The following CAMK2B variants were observed in gnomAD, a reference collection of about 807,000 sequenced individuals.
CAMK2B encodes calcium/calmodulin dependent protein kinase II beta.
Under a neutral mutation model 93.7 loss-of-function variants are expected in CAMK2B, and 27 were observed. The observed-to-expected ratio is 0.29, with a 90% CI of 0.21 to 0.40. The LOEUF (loss-of-function observed/expected upper bound fraction) is 0.40, where lower values mean the gene tolerates loss of function less well. Ranked by LOEUF, CAMK2B falls within the 10% of genes least tolerant of loss-of-function variation. The probability of loss-of-function intolerance (pLI) is 1.00; values close to 1 mark genes in which losing one functional copy is unlikely to be tolerated. For missense variants in CAMK2B, 568 were observed against 895.8 expected (o/e 0.63, Z 4.67); for synonymous variants, 374 against 358.8 (o/e 1.04, Z -0.48).
intron 1 of CAMK2B, among the ~76,000 whole-genome samples, chr7:44,310,389 C>T (rs934719793): frequency 2.0e-5 from 3 of 152,176 alleles, no homozygotes; most frequent in Admixed American, 2.0e-4. Flanking sequence ...TTGACCCAAC[C>T]CTCCTGGTTC....
At chr7:44,269,804 C>T (rs2096956358) in intron 2 of CAMK2B, among the ~76,000 whole-genome samples, 2 of 152,102 alleles carry the variant, frequency 1.3e-5, no homozygotes, top group South Asian at 4.1e-4. Context: ...GAGAGGAGGC[C>T]CAACGGGTAA....
chr7:44,260,517 G>C (rs777133844), intron 3 of CAMK2B, among the ~76,000 whole-genome samples: 3 of 152,202 alleles, frequency 2.0e-5, no homozygotes, highest in Admixed American at 6.5e-5. Context: ...CTGGCTGTGT[G>C]ACCTGGGGCA....
intron 2 of CAMK2B, among the ~76,000 whole-genome samples, chr7:44,267,726 G>A (rs2096932591): frequency 6.6e-6 from 1 of 152,100 alleles, no homozygotes; most frequent in African/African-American, 2.4e-5. Flanking sequence ...ATCAAATACA[G>A]CATTCATTTA....
chr7:44,311,984 T>G lies in CAMK2B; in HGVS notation c.65+13373A>C, dbSNP rs985113501. On this transcript the variant is annotated intron_variant, in intron 1 of 23. Coordinates refer to ENST00000395749, the MANE Select transcript of CAMK2B (RefSeq NM_001220.5). The surrounding 1 kb of genome is among the most constrained non-coding windows in gnomAD (Gnocchi z 4.2). Reference sequence around the variant, plus strand: ...ATCCTCACCACGGAGTCACGCCTGCTGGAGACTTTCCTCGCCACATCTCTG... The same window carrying G: ...ATCCTCACCACGGAGTCACGCCTGCGGGAGACTTTCCTCGCCACATCTCTG... Among the ~76,000 whole-genome samples the G allele has an allele frequency of 4.6e-5, 7 of 152,188 alleles. No homozygotes were observed. The highest frequency in any genetic ancestry group is 1.7e-4 in the African/African-American group (7 of 41,448).
chr7:44,324,533 GA>G (rs1172846972), intron 1 of CAMK2B, among the ~76,000 whole-genome samples: 1 of 152,148 alleles, frequency 6.6e-6, no homozygotes, highest in East Asian at 1.9e-4. Context: ...TACTGCCAAG[GA>G]GAGAACGGGA....
At chr7:44,309,888 C>G (rs922000335) in intron 1 of CAMK2B, among the ~76,000 whole-genome samples, 2 of 152,254 alleles carry the variant, frequency 1.3e-5, no homozygotes, top group Non-Finnish European at 1.5e-5. Flanking sequence ...GAGCCGGTCA[C>G]GCCCCTCCTG....
chr7:44,287,705 G>C lies in CAMK2B; in HGVS notation c.66-3480C>G, dbSNP rs573069802. Among the ~76,000 whole-genome samples the C allele has an allele frequency of 1.2e-4, 19 of 152,326 alleles. No homozygotes were observed. The South Asian group carries it at 3.5e-3, about 28-fold the overall frequency. On this transcript the variant is annotated intron_variant, in intron 1 of 23. Coordinates refer to ENST00000395749, the MANE Select transcript of CAMK2B (RefSeq NM_001220.5). ...AACATTGAGAGACAACACCGACAAA[G>C]AGCCTGGATCTGTATCATAAGCCTG... is the stretch of plus-strand genomic sequence containing the variant.
intron 1 of CAMK2B, chr7:44,323,790 G>C (rs1408253093): frequency 6.4e-6 from 1 of 155,410 alleles, no homozygotes; most frequent in Non-Finnish European, 1.5e-5. Flanking sequence ...CAGAGAACCA[G>C]GCACATTAAC....
rs2096701095 is a variant in CAMK2B, at chr7:44,243,414, CT to C, written c.517+10del. On this transcript the variant is annotated intron_variant, in intron 7 of 23. Coordinates refer to ENST00000395749, the MANE Select transcript of CAMK2B (RefSeq NM_001220.5). Reference sequence around the variant, plus strand: ...AACTGCCAGCCAACACACCCTGCCCCTGGCACTCACCAAACCATGCCTGCTG... The same window carrying C: ...AACTGCCAGCCAACACACCCTGCCCCGGCACTCACCAAACCATGCCTGCTG... 4 of 1,613,982 alleles carry C rather than the reference CT, an allele frequency of 2.5e-6. No homozygotes were observed. Among genetic ancestry groups the C allele is most frequent in the Non-Finnish European group, 3.4e-6 (4 of 1,179,848 alleles).
chr7:44,275,849 C>T (rs575371162), intron 2 of CAMK2B, among the ~76,000 whole-genome samples: 88 of 152,280 alleles, frequency 5.8e-4, no homozygotes, highest in African/African-American at 2.1e-3. Context: ...ATGCAGGGTC[C>T]CTTCCCCATA....
intron 1 of CAMK2B, among the ~76,000 whole-genome samples, chr7:44,322,891 G>A (rs1584987562): frequency 1.3e-5 from 2 of 152,392 alleles, no homozygotes; most frequent in African/African-American, 4.8e-5. Flanking sequence ...AGTGGCTGCA[G>A]CTTTAAATAA....
chr7:44,258,958 C>T (rs777702192), intron 3 of CAMK2B, 32 bp from the exon 4 acceptor site: 3 of 1,599,808 alleles, frequency 1.9e-6, no homozygotes, highest in Non-Finnish European at 2.6e-6. Flanking sequence ...GAGGGGCTGG[C>T]AATAGCCCAG....
At chr7:44,294,063 C>G (rs1239552498) in intron 1 of CAMK2B, among the ~76,000 whole-genome samples, 1 of 152,152 alleles carries the variant, frequency 6.6e-6, no homozygotes, top group Non-Finnish European at 1.5e-5. Context: ...GACTGGCTCC[C>G]AAGGCACCAC....
intron 13 of CAMK2B, among the ~76,000 whole-genome samples, chr7:44,236,129 C>A (rs542011233): frequency 6.6e-6 from 1 of 151,016 alleles, no homozygotes; most frequent in African/African-American, 2.4e-5. Context: ...GCTGGGTGCT[C>A]CAGGTTGCCG....
At chr7:44,254,217 T>C (rs1371416110) in intron 5 of CAMK2B, among the ~76,000 whole-genome samples, 1 of 152,188 alleles carries the variant, frequency 6.6e-6, no homozygotes, top group Non-Finnish European at 1.5e-5. Context: ...AGGGTCAGCC[T>C]TGTGGGAAGG....
chr7:44,251,431 G>A (rs935754282), intron 5 of CAMK2B, among the ~76,000 whole-genome samples: 2 of 152,186 alleles, frequency 1.3e-5, no homozygotes, highest in African/African-American at 2.4e-5. Flanking sequence ...GGCAGGGCAC[G>A]AGGCTCACCC....
rs1797321264 is a variant in CAMK2B, at chr7:44,325,497, G to A, written c.-76C>T. 4 of 920,516 alleles carry A rather than the reference G, an allele frequency of 4.3e-6. No individual in the cohort carries two copies. Among genetic ancestry groups the A allele is most frequent in the Non-Finnish European group, 5.2e-6 (4 of 765,566 alleles). The allele number at this position is 920,516 out of a possible 1,614,324, so 57.0% of individuals were successfully genotyped here. ...GACTCCGGCTCCCGCTCGCGGGCACGGCGGCGACACGGGCGCGGGCGCGGG... is the reference window on the plus strand; with the variant it reads ...GACTCCGGCTCCCGCTCGCGGGCACAGCGGCGACACGGGCGCGGGCGCGGG... On this transcript the variant is annotated 5_prime_UTR_variant, in exon 1 of 24. Transcript: ENST00000395749.
Position 44,300,020 on chromosome 7 carries a change from C to G in CAMK2B, c.66-15795G>C, listed in dbSNP as rs200285993. On this transcript the variant is annotated intron_variant, in intron 1 of 23. Coordinates refer to ENST00000395749, the MANE Select transcript of CAMK2B (RefSeq NM_001220.5). ...TATATGTATGTATATGTGTATGTGT[C>G]TGTGTGTGTGTGTGTGTGTGTGTGT... Among the ~76,000 whole-genome samples, 153 of 141,706 alleles carry G rather than the reference C, an allele frequency of 1.1e-3. No individual in the cohort carries two copies. In the Middle Eastern group the frequency reaches 0.031, roughly 29 times the overall value. 93.0% of individuals were successfully genotyped at this position (141,706 alleles called of 152,430 possible).
rs745590498 is a variant in CAMK2B, at chr7:44,226,576, A to G, written c.1537T>C (p.Ser513Pro). ...GGGCAGGGCGGGGGCCCCACTGGCG[A>G]GGGGCCCTCGGCTTCTGGGGTCCCT... The part of the protein sequence containing the change: ...GSGTPEAEGP[S>P]PVGPPPCPSP... Residue 513 changes from serine (S) to proline (P), a missense_variant, in exon 20 of 24, where the codon TCG (serine) becomes CCG (proline). Physicochemically the swap from Ser to Pro is moderately conservative, Grantham distance 74 (BLOSUM62 -1). Around this residue, in one of 4 missense-constraint regions of CAMK2B, gnomAD observed 308 missense variants for 292.1 expected, o/e 1.05. Coordinates refer to ENST00000395749, the MANE Select transcript of CAMK2B (RefSeq NM_001220.5). 2 of 1,479,962 alleles carry G rather than the reference A, an allele frequency of 1.4e-6. No individual in the cohort carries two copies. Among genetic ancestry groups the G allele is most frequent in the East Asian group, 5.4e-5 (2 of 37,332 alleles). 91.7% of individuals were successfully genotyped at this position (1,479,962 alleles called of 1,614,324 possible). A position where few individuals can be genotyped will look rare whatever the true frequency, so the allele number is the denominator to read the frequency against.
Sources: allele counts gnomAD v4.1 joint callset (sites outside exome capture counted in the v4.1 genomes callset), GRCh38; gene constraint gnomAD v4.1.1; regional missense constraint gnomAD v4.1.1; non-coding constraint Gnocchi (gnomAD v3.1); transcripts MANE v1.5; gene names NCBI Gene and HGNC (gene_info 2026-07-23, HGNC 2026-07-21).